RERE: variants seen among roughly 807,000 people sequenced by gnomAD.
RERE encodes arginine-glutamic acid dipeptide repeats, also known as arginine-glutamic acid dipeptide repeats protein.
Under a neutral mutation model 146.1 loss-of-function variants are expected in RERE, and 40 were observed. That is an observed-to-expected ratio of 0.27 (90% CI 0.21 to 0.36). The LOEUF (loss-of-function observed/expected upper bound fraction) is 0.36, where lower values mean the gene tolerates loss of function less well. Among genes scored for constraint, RERE ranks in the 10% least tolerant of loss-of-function variants. The pLI, the probability that RERE is intolerant of heterozygous loss-of-function variation, is 1.00. For synonymous variants in RERE, 1,003 were observed against 866.0 expected, an observed-to-expected ratio of 1.16 and a Z score of -2.78; for missense variants, 1,933 against 2,138.7, an observed-to-expected ratio of 0.90 and a Z score of 1.90.
At chr1:8,605,048 C>G (rs1055235169) in intron 4 of RERE, among the ~76,000 whole-genome samples, 6 of 152,216 alleles carry the variant, frequency 3.9e-5, no homozygotes, top group African/African-American at 1.4e-4. Flanking sequence ...TCTTGTCAGT[C>G]AATATAACAA....
At chr1:8,521,096 G>T (rs1214024232) in intron 7 of RERE, among the ~76,000 whole-genome samples, 6 of 146,052 alleles carry the variant, frequency 4.1e-5, no homozygotes, top group African/African-American at 1.3e-4. Context: ...CCTAGTGTGT[G>T]TAAGTGAGAA....
chr1:8,660,229 G>GAA (rs1638423650), intron 1 of RERE, among the ~76,000 whole-genome samples: 1 of 151,944 alleles, frequency 6.6e-6, no homozygotes, highest in Non-Finnish European at 1.5e-5. Context: ...TTTCCTCTAT[G>GAA]TTTAGCATAT....
In RERE at chr1:8,411,272, T is replaced by G. The variant is rs147754330; in HGVS notation, c.1284+11455A>C. Among the ~76,000 whole-genome samples the G allele has an allele frequency of 4.5e-3, 675 of 151,194 alleles. 4 individuals are homozygous for G. Among genetic ancestry groups the G allele is most frequent in the African/African-American group, 0.016 (643 of 41,198 alleles). ...GAGGCACATGGACTTTTCTCCTGAGTCACCTGATAGATTTACAAGATCAAA... is the reference window on the plus strand; with the variant it reads ...GAGGCACATGGACTTTTCTCCTGAGGCACCTGATAGATTTACAAGATCAAA... On this transcript the variant is annotated intron_variant, in intron 12 of 22. Transcript: ENST00000400908.
chr1:8,416,188 A>C (rs1246462416), intron 12 of RERE, among the ~76,000 whole-genome samples: 1 of 152,244 alleles, frequency 6.6e-6, no homozygotes. Context: ...TGCATGCCAC[A>C]AGGTAAAGAG....
chr1:8,691,220 C>T (rs1639200217), intron 1 of RERE, among the ~76,000 whole-genome samples: 1 of 152,066 alleles, frequency 6.6e-6, no homozygotes, highest in Non-Finnish European at 1.5e-5. Context: ...AAGCAAATGG[C>T]TCAAAGGAAA....
intron 8 of RERE, among the ~76,000 whole-genome samples, chr1:8,503,010 G>A (rs1645197847): frequency 6.7e-6 from 1 of 150,250 alleles, no homozygotes; most frequent in Admixed American, 6.6e-5. Context: ...TTGTTTATCT[G>A]CTGACCTTCC....
At chr1:8,702,581 T>TCAAA (rs1639476027) in intron 1 of RERE, among the ~76,000 whole-genome samples, 1 of 152,240 alleles carries the variant, frequency 6.6e-6, no homozygotes, top group Non-Finnish European at 1.5e-5. Context: ...CATTTGTCAC[T>TCAAA]TAAGTAGCCT....
chr1:8,418,849 G>A (rs1643847744), intron 12 of RERE, among the ~76,000 whole-genome samples: 1 of 152,108 alleles, frequency 6.6e-6, no homozygotes, highest in South Asian at 2.1e-4. Flanking sequence ...CAAAGCTCAT[G>A]TACCATCCAT....
intron 4 of RERE, among the ~76,000 whole-genome samples, chr1:8,605,769 AAAC>A (rs1370781505): frequency 2.8e-4 from 41 of 144,790 alleles, no homozygotes; most frequent in African/African-American, 1.0e-3. Flanking sequence ...AAAAAAAAAA[AAAC>A]CCCTAAAAAA....
intron 1 of RERE, among the ~76,000 whole-genome samples, chr1:8,706,113 C>CAAAAAAAAAAAAAAAAA (rs61016240): frequency 1.4e-5 from 1 of 69,190 alleles, no homozygotes. Context: ...ACTCCGTCTC[C>CAAAAAAAAAAAAAAAAA]AAAAAAAAAA....
At chr1:8,464,785 AC>A (rs749379792) in intron 11 of RERE, among the ~76,000 whole-genome samples, 3 of 151,752 alleles carry the variant, frequency 2.0e-5, no homozygotes, top group African/African-American at 4.8e-5. Context: ...ACAGTACCCC[AC>A]CCAGCTGATT....
At chr1:8,390,036 T>TA (rs913881524) in intron 12 of RERE, among the ~76,000 whole-genome samples, 4 of 152,110 alleles carry the variant, frequency 2.6e-5, no homozygotes, top group Non-Finnish European at 5.9e-5. Context: ...CAAGAGTAGT[T>TA]AGACAGTGAG....
chr1:8,594,718 A>C (rs1646535046), intron 4 of RERE, among the ~76,000 whole-genome samples: 1 of 152,204 alleles, frequency 6.6e-6, no homozygotes. Context: ...TAATAGTAAC[A>C]TATTATCCTT....
chr1:8,774,379 GT>G (rs1198147260), intron 1 of RERE, among the ~76,000 whole-genome samples: 1 of 108,944 alleles, frequency 9.2e-6, no homozygotes, highest in Admixed American at 1.2e-4. Context: ...TTGCTACAGA[GT>G]TTCGCTCTTG....
intron 10 of RERE, among the ~76,000 whole-genome samples, chr1:8,485,713 G>T (rs1490807164): frequency 6.6e-6 from 1 of 151,452 alleles, no homozygotes; most frequent in African/African-American, 2.4e-5. Context: ...TATTTTAAGT[G>T]TTCATGTGTC....
intron 4 of RERE, among the ~76,000 whole-genome samples, chr1:8,585,962 G>A (rs1367161615): frequency 6.6e-6 from 1 of 152,144 alleles, no homozygotes; most frequent in Non-Finnish European, 1.5e-5. Flanking sequence ...TACACTTCCT[G>A]ATAAAAATAT....
chr1:8,537,946 C>T (rs10492966), intron 7 of RERE, among the ~76,000 whole-genome samples: 26,585 of 152,140 alleles, frequency 0.17, 2,535 homozygotes, highest in Middle Eastern at 0.29. Context: ...AATTTCAGTG[C>T]TGTTCAATAT....
chr1:8,554,310 T>C (rs982163300), intron 6 of RERE, among the ~76,000 whole-genome samples: 94 of 152,324 alleles, frequency 6.2e-4, no homozygotes, highest in Middle Eastern at 3.4e-3. Context: ...ACTGAAACTC[T>C]AAATCGATTA....
At chr1:8,526,026 C>T (rs1275164651) in intron 7 of RERE, 20 of 1,257,868 alleles carry the variant, frequency 1.6e-5, no homozygotes, top group South Asian at 8.2e-5. Context: ...TGTCTCTCCA[C>T]GACGCAATCA....
Sources: gnomAD v4.1 joint callset for allele counts (sites outside exome capture counted in the v4.1 genomes callset) on GRCh38, gnomAD v4.1.1 for gene constraint, MANE v1.5 for transcripts, NCBI Gene and HGNC (gene_info 2026-07-23, HGNC 2026-07-21) for gene names.